The following CADPS2 variants were observed in gnomAD, a reference collection of about 807,000 sequenced individuals.
The protein encoded by CADPS2 is calcium dependent secretion activator 2.
In CADPS2, 93 loss-of-function variants were observed where a neutral mutation model predicts 172.5. The observed-to-expected ratio is 0.54, with a 90% CI of 0.46 to 0.64. The LOEUF is 0.64. Among genes scored for constraint, CADPS2 ranks in the 30% least tolerant of loss-of-function variants. The pLI is 0.00. For synonymous variants in CADPS2, 546 were observed against 555.2 expected (o/e 0.98, Z 0.23); for missense variants, 1,420 against 1,565.9 (o/e 0.91, Z 1.57).
intron 2 of CADPS2, chr7:122,702,750 T>C: frequency 6.3e-7 from 1 of 1,588,490 alleles, no homozygotes; most frequent in Admixed American, 1.8e-5. Context: ...AGGAAGCTCA[T>C]GCCTCCATTT....
chr7:122,870,217 G>A (rs1159074733), intron 1 of CADPS2, among the ~76,000 whole-genome samples: 1 of 152,030 alleles, frequency 6.6e-6, no homozygotes, highest in East Asian at 1.9e-4. Context: ...AAAGAGACTA[G>A]TTTCATCTCT....
intron 8 of CADPS2, among the ~76,000 whole-genome samples, chr7:122,549,927 C>T (rs2064043355): frequency 6.6e-6 from 1 of 152,144 alleles, no homozygotes; most frequent in Non-Finnish European, 1.5e-5. Context: ...CAAATACTAC[C>T]TCGACGCAGC....
At chr7:122,593,655 A>T (rs1179862960) in intron 6 of CADPS2, among the ~76,000 whole-genome samples, 1 of 152,042 alleles carries the variant, frequency 6.6e-6, no homozygotes, top group Non-Finnish European at 1.5e-5. Context: ...TACCTGAAAA[A>T]ATTGACAGTT....
intron 1 of CADPS2, among the ~76,000 whole-genome samples, chr7:122,747,568 T>C (rs2092769537): frequency 1.3e-5 from 2 of 152,152 alleles, no homozygotes; most frequent in South Asian, 4.1e-4. Context: ...CTAACCTCTT[T>C]ACATAGATTA....
At chr7:122,618,893 C>A (rs941881227) in intron 5 of CADPS2, among the ~76,000 whole-genome samples, 6 of 152,162 alleles carry the variant, frequency 3.9e-5, no homozygotes, top group Admixed American at 1.3e-4. Context: ...GCTTAAAATA[C>A]TGTGGACATT....
At chr7:122,722,448 T>A (rs570369714) in intron 2 of CADPS2, among the ~76,000 whole-genome samples, 22 of 151,180 alleles carry the variant, frequency 1.5e-4, no homozygotes, top group African/African-American at 5.1e-4. Flanking sequence ...CACAATTGCT[T>A]CAAAGAGAAT....
intron 3 of CADPS2, among the ~76,000 whole-genome samples, chr7:122,637,589 G>T (rs2077204623): frequency 6.6e-6 from 1 of 152,160 alleles, no homozygotes; most frequent in African/African-American, 2.4e-5. Context: ...GAATACCTTG[G>T]ATTGGGTTTC....
At chr7:122,798,098 T>C (rs899563520) in intron 1 of CADPS2, among the ~76,000 whole-genome samples, 1 of 152,086 alleles carries the variant, frequency 6.6e-6, no homozygotes, top group Admixed American at 6.5e-5. Context: ...CCAATGCAGT[T>C]GTTGCATTAA....
chr7:122,324,970 C>G (rs1384493532), intron 29 of CADPS2, among the ~76,000 whole-genome samples: 1 of 152,026 alleles, frequency 6.6e-6, no homozygotes, highest in Non-Finnish European at 1.5e-5. Flanking sequence ...TGGGTGGTCT[C>G]CAACACTCAA....
intron 5 of CADPS2, among the ~76,000 whole-genome samples, chr7:122,616,071 G>A (rs2074879337): frequency 6.6e-6 from 1 of 151,950 alleles, no homozygotes. Context: ...TTAAAACACT[G>A]TAACCTATCA....
intron 14 of CADPS2, among the ~76,000 whole-genome samples, chr7:122,452,111 G>A (rs879893372): frequency 2.6e-5 from 4 of 152,122 alleles, no homozygotes; most frequent in Admixed American, 2.6e-4. Context: ...TTACAAAGTA[G>A]CTATGAAGAC....
chr7:122,452,284 A>G (rs548196455), intron 14 of CADPS2, among the ~76,000 whole-genome samples: 2 of 152,280 alleles, frequency 1.3e-5, no homozygotes, highest in Admixed American at 6.5e-5. Flanking sequence ...GTGCAGAGGG[A>G]AAAAAAGTAT....
chr7:122,874,929 C>T (rs958977706), intron 1 of CADPS2, among the ~76,000 whole-genome samples: 5 of 152,078 alleles, frequency 3.3e-5, no homozygotes, highest in Admixed American at 2.0e-4. Context: ...CATAAAAACC[C>T]TAGAAGAAAA....
At chr7:122,863,792 G>A (rs10261207) in intron 1 of CADPS2, among the ~76,000 whole-genome samples, 1,864 of 152,300 alleles carry the variant, frequency 0.012, 40 homozygotes, top group African/African-American at 0.043. Context: ...CACTTTGAAA[G>A]GCTGAGGCAT....
At chr7:122,592,075 T>C (rs1443668815) in intron 6 of CADPS2, among the ~76,000 whole-genome samples, 2 of 152,110 alleles carry the variant, frequency 1.3e-5, no homozygotes, top group African/African-American at 2.4e-5. Flanking sequence ...AGAAAATTTT[T>C]GCAATCTACT....
At chr7:122,676,412 T>C (rs1003402331) in intron 2 of CADPS2, among the ~76,000 whole-genome samples, 1 of 152,220 alleles carries the variant, frequency 6.6e-6, no homozygotes, top group Non-Finnish European at 1.5e-5. Context: ...GAGCCAAATG[T>C]TTGTCTTTAA....
intron 1 of CADPS2, among the ~76,000 whole-genome samples, chr7:122,863,986 C>T (rs1399516570): frequency 2.0e-5 from 3 of 152,080 alleles, no homozygotes; most frequent in Admixed American, 6.6e-5. Flanking sequence ...GCTGAAATCA[C>T]GCCACTGCAC....
chr7:122,523,876 C>A (rs1385536427), intron 8 of CADPS2, among the ~76,000 whole-genome samples: 2 of 151,966 alleles, frequency 1.3e-5, no homozygotes, highest in Non-Finnish European at 2.9e-5. Context: ...ACTGAGTAGC[C>A]CCCTCTACCC....
At chr7:122,465,243 T>A (rs2054983138) in intron 14 of CADPS2, among the ~76,000 whole-genome samples, 1 of 152,192 alleles carries the variant, frequency 6.6e-6, no homozygotes, top group Non-Finnish European at 1.5e-5. Context: ...TTAAATGAAA[T>A]CTACCATTTC....
Sources: gnomAD v4.1 joint callset for allele counts (sites outside exome capture counted in the v4.1 genomes callset) on GRCh38, gnomAD v4.1.1 for gene constraint, MANE v1.5 for transcripts, NCBI Gene and HGNC (gene_info 2026-07-23, HGNC 2026-07-21) for gene names.